Variants in PIEZO2 observed in about 807,000 individuals in gnomAD.
The protein encoded by PIEZO2 is piezo type mechanosensitive ion channel component 2.
In PIEZO2, 172 loss-of-function variants were observed where a neutral mutation model predicts 337.3. That is an observed-to-expected ratio of 0.51 (90% CI 0.45 to 0.58). The LOEUF is 0.58. Ranked by LOEUF, PIEZO2 falls within the 20% of genes least tolerant of loss-of-function variation. The pLI is 0.00. For missense variants in PIEZO2, 3,028 were observed against 3,391.3 expected, an observed-to-expected ratio of 0.89 and a Z score of 2.66; for synonymous variants, 1,251 against 1,228.5, an observed-to-expected ratio of 1.02 and a Z score of -0.38.
chr18:10,747,724 C>A (rs1345032869), intron 30 of PIEZO2, among the ~76,000 whole-genome samples: 1 of 152,170 alleles, frequency 6.6e-6, no homozygotes, highest in Non-Finnish European at 1.5e-5. Flanking sequence ...TTGTGTTTAT[C>A]ATGGCAGGGA....
At chr18:10,995,578 T>C (rs138907589) in intron 2 of PIEZO2, among the ~76,000 whole-genome samples, 81 of 152,320 alleles carry the variant, frequency 5.3e-4, no homozygotes, top group African/African-American at 1.9e-3. Context: ...AATATTGAGA[T>C]ACCAGAAGTT....
Position 10,673,308 on chromosome 18 carries a change from T to A in PIEZO2, c.8162-435A>T, listed in dbSNP as rs1200575387. Among the ~76,000 whole-genome samples the A allele has an allele frequency of 6.6e-6, 1 of 152,238 alleles. No individual in the cohort carries two copies. Among genetic ancestry groups the A allele is most frequent in the African/African-American group, 2.4e-5 (1 of 41,466 alleles). On this transcript the variant is annotated intron_variant, in intron 54 of 55. Coordinates refer to ENST00000674853, the MANE Select transcript of PIEZO2 (RefSeq NM_001378183.1). The surrounding 1 kb of genome is among the most constrained non-coding windows in gnomAD (Gnocchi z 4.8). ...GGTGCTAAAGGGTTCCAAAATTGCA[T>A]ATAACATTGTTCCTTATCTCCATGG...
rs1028550102 is a variant in PIEZO2 at position 10,705,664 on chromosome 18, C to A, written c.5671G>T (p.Glu1891Ter). Residue 1891 changes from glutamate to a stop codon, truncating the protein, a stop_gained, in exon 41 of 56, where the codon GAG becomes TAG. Transcript: ENST00000674853. LOFTEE classifies it high-confidence loss of function. Reference protein sequence around the residue: ...IEEVEAEQEEEAGSTAPEPRE... With the variant: ...IEEVEAEQEE The stretch of plus-strand genomic sequence containing the variant: ...GGCTCAGGCGCCGTGCTCCCTGCCT[C>A]CTCCTCCTGCTCAGCCTCCACCTCC... 4 of 1,537,118 alleles carry A rather than the reference C, an allele frequency of 2.6e-6. No individual in the cohort carries two copies. The highest frequency in any genetic ancestry group is 3.5e-6 in the Non-Finnish European group (4 of 1,146,930).
chr18:11,001,817 G>T lies in PIEZO2; in HGVS notation c.161-22157C>A, dbSNP rs548297489. Among the ~76,000 whole-genome samples, 12 of 152,124 alleles carry T rather than the reference G, an allele frequency of 7.9e-5. No individual in the cohort carries two copies. Among genetic ancestry groups the T allele is most frequent in the African/African-American group, 2.4e-4 (10 of 41,490 alleles). On this transcript the variant is annotated intron_variant, in intron 2 of 55. Transcript: ENST00000674853. The surrounding 1 kb of genome is among the most constrained non-coding windows in gnomAD (Gnocchi z 5.3). ...AGCTTGAACCCAGGAGGCAGAGGTT[G>T]CAGTGAGCTCAGATTGCACCACTGT...
chr18:10,745,333 T>C (rs1433085336), intron 30 of PIEZO2, among the ~76,000 whole-genome samples: 1 of 152,116 alleles, frequency 6.6e-6, no homozygotes. Flanking sequence ...GCAAATATGC[T>C]CAAGTCTTGC....
Position 10,680,311 on chromosome 18 carries a change from C to T in PIEZO2, c.7840G>A (p.Gly2614Arg), listed in dbSNP as rs777837370. 4 of 1,614,102 alleles carry T rather than the reference C, an allele frequency of 2.5e-6. No individual in the cohort carries two copies. The South Asian group carries it at 4.4e-5, about 18-fold the overall frequency. Residue 2614 changes from glycine (G) to arginine (R), a missense_variant, in exon 52 of 56, where the codon GGA becomes AGA. Gly to Arg is a moderately radical substitution (Grantham distance 125, BLOSUM62 -2). This residue lies in a region of PIEZO2 where 332 missense variants were observed against 363.8 expected (regional missense o/e 0.91). Transcript: ENST00000674853. ...KEDITVAELE[G>R]NSNSLWTISP... is the part of the protein sequence containing the mutation. ...ATGGTCCACAAAGAATTTGAGTTTC[C>T]TTCCAGTTCTGCTACTGTTATGTCT...
At chr18:10,946,104 A>G (rs1598732162) in intron 3 of PIEZO2, among the ~76,000 whole-genome samples, 1 of 152,228 alleles carries the variant, frequency 6.6e-6, no homozygotes, top group Non-Finnish European at 1.5e-5. Context: ...ATAAATGTAT[A>G]GATTCAAGAA....
At chr18:10,734,958 A>G (rs1318490006) in intron 35 of PIEZO2, among the ~76,000 whole-genome samples, 1 of 152,262 alleles carries the variant, frequency 6.6e-6, no homozygotes, top group Non-Finnish European at 1.5e-5. Context: ...CAACACCATG[A>G]GAAGGACAGC....
At chr18:10,920,601 C>T (rs1223256998) in intron 3 of PIEZO2, among the ~76,000 whole-genome samples, 1 of 152,112 alleles carries the variant, frequency 6.6e-6, no homozygotes, top group Non-Finnish European at 1.5e-5. Flanking sequence ...CTCGTTCATA[C>T]CCAGGTTTCC....
At chr18:10,741,134 T>C in intron 32 of PIEZO2, 32 bp from the exon 33 acceptor site, 1 of 1,500,086 alleles carries the variant, frequency 6.7e-7, no homozygotes, top group Non-Finnish European at 8.8e-7. Flanking sequence ...TATTAATTCG[T>C]ATAAAGTGAG....
intron 36 of PIEZO2, among the ~76,000 whole-genome samples, chr18:10,731,175 G>T (rs1309134414): frequency 7.6e-5 from 9 of 117,780 alleles, no homozygotes; most frequent in Admixed American, 1.8e-4. Context: ...CTACTTAAAA[G>T]ATTATATATA....
At position 10,878,439 on chromosome 18, in the gene PIEZO2, T is replaced by C. The variant is rs970378730; in HGVS notation, c.330-7024A>G. Reference sequence around the variant, plus strand: ...ACATTACTGTTGCCTGGTAATGGCATTGAGATCACAGAGAGTTTACAAATA... The same window carrying C: ...ACATTACTGTTGCCTGGTAATGGCACTGAGATCACAGAGAGTTTACAAATA... On this transcript the variant is annotated intron_variant, in intron 4 of 55. Transcript: ENST00000674853. This position sits in a 1 kb window ranked among gnomAD's most constrained non-coding sequence, Gnocchi z 4.3. Among the ~76,000 whole-genome samples the C allele has an allele frequency of 2.6e-5, 4 of 152,206 alleles. No homozygotes were observed. Among genetic ancestry groups the C allele is most frequent in the Non-Finnish European group, 5.9e-5 (4 of 68,040 alleles).
At chr18:10,983,858 A>G (rs2145508515) in intron 2 of PIEZO2, among the ~76,000 whole-genome samples, 1 of 152,304 alleles carries the variant, frequency 6.6e-6, no homozygotes, top group Admixed American at 6.5e-5. Context: ...GAAGGTATAC[A>G]ACGTTCAGTA....
rs998383362 is a variant in PIEZO2, at chr18:10,896,577, G to C, written c.329+14609C>G. On this transcript the variant is annotated intron_variant, in intron 4 of 55. Transcript: ENST00000674853. ...GAAAACAATTTTCTCTCTGTTTATG[G>C]CAAGCAGGTCAATAAACAGCATCTG... Among the ~76,000 whole-genome samples, 3 of 152,252 alleles carry C rather than the reference G, an allele frequency of 2.0e-5. No individual in the cohort carries two copies. The East Asian group carries it at 5.8e-4, about 29-fold the overall frequency.
In PIEZO2 at chr18:10,691,363, A is replaced by C; in HGVS notation, c.7211T>G (p.Val2404Gly). ...VTERKFSQNL[V>G]AQLWYFVKCV... ...TTTCACAAAGTACCAAAGCTGGGCA[A>C]CCAGGTTCTGGCTGAATTTCCTAAA... is the stretch of plus-strand genomic sequence containing the variant. The change falls in exon 48 of 56, where the codon GTT becomes GGT. Residue 2404 changes from valine (V) to glycine (G), a missense_variant. Transcript: ENST00000674853. The C allele has an allele frequency of 6.2e-7, 1 of 1,612,864 alleles. No homozygotes were observed. Among genetic ancestry groups the C allele is most frequent in the Non-Finnish European group, 8.5e-7 (1 of 1,179,550 alleles).
In PIEZO2 at chr18:10,837,551, A is replaced by G. The variant is rs1315574514; in HGVS notation, c.917+17802T>C. On this transcript the variant is annotated intron_variant, in intron 7 of 55. Transcript: ENST00000674853. The surrounding 1 kb of genome is among the most constrained non-coding windows in gnomAD (Gnocchi z 4.4). ...TGAGAACCACTGGTAGATGGTATCAATATCTCTTCCCAATCCAAAATTCTA... is the reference window on the plus strand; with the variant it reads ...TGAGAACCACTGGTAGATGGTATCAGTATCTCTTCCCAATCCAAAATTCTA... 6.6e-6 allele frequency among the ~76,000 whole-genome samples: 1 copy of G among 152,194 alleles called. No homozygotes were observed. The highest frequency in any genetic ancestry group is 1.5e-5 in the Non-Finnish European group (1 of 68,026).
At chr18:10,938,923 A>G (rs1218681515) in intron 3 of PIEZO2, among the ~76,000 whole-genome samples, 1 of 152,088 alleles carries the variant, frequency 6.6e-6, no homozygotes, top group Admixed American at 6.6e-5. Flanking sequence ...TGTCTCTGCT[A>G]AAAATACAAA....
intron 1 of PIEZO2, 150 bp from the exon 2 acceptor site, chr18:11,066,372 T>A (rs1371538475): frequency 1.6e-6 from 1 of 606,380 alleles, no homozygotes; most frequent in South Asian, 2.1e-5. Context: ...CAGTAATAAA[T>A]TAGGTATTTA....
At chr18:11,136,551 C>A (rs893811046) in intron 1 of PIEZO2, among the ~76,000 whole-genome samples, 1 of 152,238 alleles carries the variant, frequency 6.6e-6, no homozygotes, top group Non-Finnish European at 1.5e-5. Flanking sequence ...TGATTTTGGG[C>A]CCCAAGGCCA....
Sources: gnomAD v4.1 joint callset for allele counts (sites outside exome capture counted in the v4.1 genomes callset) on GRCh38, gnomAD v4.1.1 for gene constraint, gnomAD v4.1.1 regional missense constraint, Gnocchi (gnomAD v3.1) non-coding constraint, MANE v1.5 for transcripts, NCBI Gene and HGNC (gene_info 2026-07-23, HGNC 2026-07-21) for gene names.